The following SORL1 variants were observed in gnomAD, a reference collection of about 807,000 sequenced individuals.
The protein encoded by SORL1 is sortilin related receptor 1, also known as sortilin-related receptor.
In SORL1, 127 loss-of-function variants were observed where a neutral mutation model predicts 273.7. The observed-to-expected ratio is 0.46, with a 90% CI of 0.40 to 0.54. The LOEUF (loss-of-function observed/expected upper bound fraction) is 0.54. SORL1 is among the 20% of genes least tolerant of loss of function. SORL1 has a pLI of 0.00. For missense variants in SORL1, 2,494 were observed against 2,846.1 expected (o/e 0.88, Z 2.81); for synonymous variants, 1,031 against 1,067.4 (o/e 0.97, Z 0.66).
intron 6 of SORL1, among the ~76,000 whole-genome samples, chr11:121,505,912 A>G (rs1861779775): frequency 6.6e-6 from 1 of 152,222 alleles, no homozygotes; most frequent in Non-Finnish European, 1.5e-5. Context: ...TTTGAGAAGA[A>G]TGTGTATTCT....
At chr11:121,603,095 G>A (rs1863419323) in intron 32 of SORL1, among the ~76,000 whole-genome samples, 1 of 152,224 alleles carries the variant, frequency 6.6e-6, no homozygotes. Context: ...AGCCCACCTG[G>A]ATAATCCAGG....
At chr11:121,535,384 C>G (rs1317773281) in intron 12 of SORL1, among the ~76,000 whole-genome samples, 1 of 152,228 alleles carries the variant, frequency 6.6e-6, no homozygotes, top group Non-Finnish European at 1.5e-5. Flanking sequence ...GTCCATTACA[C>G]AGACAACTGT....
intron 41 of SORL1, among the ~76,000 whole-genome samples, chr11:121,616,280 A>T (rs1490773439): frequency 6.6e-6 from 1 of 152,188 alleles, no homozygotes; most frequent in Non-Finnish European, 1.5e-5. Flanking sequence ...CAGCTCATGC[A>T]CTGGTCACAC....
intron 1 of SORL1, among the ~76,000 whole-genome samples, chr11:121,457,921 G>A (rs920089964): frequency 2.6e-5 from 4 of 152,238 alleles, no homozygotes; most frequent in African/African-American, 7.2e-5. Flanking sequence ...TTATAGCAAC[G>A]AACATCCCAA....
intron 24 of SORL1, among the ~76,000 whole-genome samples, chr11:121,575,561 C>A (rs1296445518): frequency 6.6e-6 from 1 of 152,242 alleles, no homozygotes; most frequent in Non-Finnish European, 1.5e-5. Context: ...ATAAGGGGAG[C>A]AAGGGCAGCT....
chr11:121,542,162 G>A (rs931015663), intron 12 of SORL1, among the ~76,000 whole-genome samples: 1 of 152,116 alleles, frequency 6.6e-6, no homozygotes, highest in African/African-American at 2.4e-5. Flanking sequence ...ACTTAAATGT[G>A]TATCTCCAAT....
At chr11:121,611,370 G>T (rs1863561236) in intron 39 of SORL1, 1 of 460,826 alleles carries the variant, frequency 2.2e-6, no homozygotes, top group Admixed American at 3.7e-5. Flanking sequence ...TTCTGCCTCA[G>T]CCTGGTGCCT....
intron 8 of SORL1, among the ~76,000 whole-genome samples, 157 bp from the exon 9 acceptor site, chr11:121,520,500 A>C (rs1256422206): frequency 1.3e-5 from 2 of 152,170 alleles, no homozygotes; most frequent in East Asian, 3.8e-4. Flanking sequence ...TGGAATGATG[A>C]AATGTTCTGG....
At position 121,612,812 on chromosome 11, in the gene SORL1, G is replaced by A; in HGVS notation, c.5399G>A (p.Gly1800Glu). The change falls in exon 40 of 48, where the codon GGA (glycine) becomes GAA (glutamate). Residue 1800 changes from glycine (G) to glutamate (E), a missense_variant. Gly to Glu is a moderately conservative substitution (Grantham distance 98, BLOSUM62 -2). Transcript: ENST00000260197. Reference protein sequence around the residue: ...KQERRTLNFRGSILSHKVGNL... With the variant: ...KQERRTLNFRESILSHKVGNL... ...GAGAGGAGAACTTTGAACTTCCGAG[G>A]AAGCATATTGTCACACAAAGGTAAC... 1.2e-6 allele frequency: 2 copies of A among 1,613,686 alleles called. No individual in the cohort carries two copies. The highest frequency in any genetic ancestry group is 1.1e-5 in the South Asian group (1 of 91,058).
At chr11:121,495,327 C>G (rs188301874) in intron 5 of SORL1, among the ~76,000 whole-genome samples, 2 of 152,110 alleles carry the variant, frequency 1.3e-5, no homozygotes, top group East Asian at 3.9e-4. Context: ...TTCAAATGGT[C>G]CCCCTCCCTA....
chr11:121,615,141 CT>C, intron 41 of SORL1, 86 bp downstream of exon 41: 1 of 1,186,322 alleles, frequency 8.4e-7, no homozygotes, highest in Non-Finnish European at 1.2e-6. Context: ...GCTTTTCTCT[CT>C]TTTGCAAATG....
rs143845906 is a variant in SORL1, at chr11:121,514,426, C to T, written c.1211+105C>T. ...CATTAGCTGCCCATGTGGATACACC[C>T]GGGGAGCTTTCGGAAACCCGATGCC... On this transcript the variant is annotated intron_variant, in intron 8 of 47. Coordinates refer to ENST00000260197, the MANE Select transcript of SORL1 (RefSeq NM_003105.6). 9.1e-3 allele frequency: 10,779 copies of T among 1,183,610 alleles called. 52 individuals are homozygous for T. The highest frequency in any genetic ancestry group is 0.011 in the Non-Finnish European group (9,359 of 856,330). The allele number at this position is 1,183,610 out of a possible 1,614,324, so 73.3% of individuals were successfully genotyped here.
chr11:121,566,627 C>T, intron 21 of SORL1: 1 of 290,274 alleles, frequency 3.4e-6, no homozygotes, highest in African/African-American at 2.2e-5. Flanking sequence ...CTCTGTGACC[C>T]TTTCCCTGGC....
At position 121,615,029 on chromosome 11, in the gene SORL1, T is replaced by C. The variant is rs747483225; in HGVS notation, c.5578T>C (p.Cys1860Arg). The C allele has an allele frequency of 6.2e-7, 1 of 1,610,138 alleles. No homozygotes were observed. The highest frequency in any genetic ancestry group is 8.5e-7 in the Non-Finnish European group (1 of 1,178,380). Residue 1860 changes from cysteine to arginine, a missense_variant, in exon 41 of 48, where the codon TGT becomes CGT. Physicochemically the swap from Cys to Arg is radical, Grantham distance 180. Around this residue, in one of 3 missense-constraint regions of SORL1, gnomAD observed 1,609 missense variants for 1,816.4 expected, o/e 0.89. Transcript: ENST00000260197. The part of the protein sequence containing the change: ...AKAINQTAVE[C>R]TWTGPRNVVY... ...AGCCATCAACCAGACTGCAGTGGAA[T>C]GTACCTGGACCGGCCCCCGGAATGT...
In SORL1 at chr11:121,631,264, C is replaced by T. The variant is rs531262906; in HGVS notation, c.*1701C>T. 2.6e-5 allele frequency: 4 copies of T among 152,120 alleles called. No homozygotes were observed. The South Asian group carries it at 6.2e-4, about 24-fold the overall frequency. The allele number at this position is 152,120 out of a possible 1,614,324, so 9.4% of individuals were successfully genotyped here. ...TAGATGAGTATTTTAAGCTGTCGACCTTTAGTTTGCCATACGGGTAGGACT... is the reference window on the plus strand; with the variant it reads ...TAGATGAGTATTTTAAGCTGTCGACTTTTAGTTTGCCATACGGGTAGGACT... On this transcript the variant is annotated 3_prime_UTR_variant, in exon 48 of 48. Transcript: ENST00000260197.
chr11:121,502,222 G>A (rs1223930558), intron 6 of SORL1, among the ~76,000 whole-genome samples: 1 of 128,088 alleles, frequency 7.8e-6, no homozygotes, highest in East Asian at 2.5e-4. Flanking sequence ...TGCAAGCTCC[G>A]CCTCCTGGGT....
intron 6 of SORL1, among the ~76,000 whole-genome samples, chr11:121,507,532 G>A (rs917517029): frequency 3.3e-5 from 5 of 150,920 alleles, no homozygotes; most frequent in African/African-American, 7.3e-5. Flanking sequence ...TTATTTTCCT[G>A]GTTCAAATCT....
At chr11:121,588,212 G>T in intron 28 of SORL1, 61 bp downstream of exon 28, 1 of 1,589,846 alleles carries the variant, frequency 6.3e-7, no homozygotes, top group South Asian at 1.1e-5. Context: ...ATGGGGGTTT[G>T]GCCACCCTGG....
At chr11:121,588,349 G>A (rs527692439) in intron 28 of SORL1, among the ~76,000 whole-genome samples, 198 bp downstream of exon 28, 4 of 152,302 alleles carry the variant, frequency 2.6e-5, no homozygotes, top group African/African-American at 9.6e-5. Context: ...TTCTGAGAAA[G>A]ACTTTCTTTT....
Sources: gnomAD v4.1 joint callset for allele counts (sites outside exome capture counted in the v4.1 genomes callset) on GRCh38, gnomAD v4.1.1 for gene constraint, gnomAD v4.1.1 regional missense constraint, MANE v1.5 for transcripts, NCBI Gene and HGNC (gene_info 2026-07-23, HGNC 2026-07-21) for gene names.